The following PIK3AP1 variants were observed in gnomAD, a reference collection of about 807,000 sequenced individuals.
PIK3AP1 encodes phosphoinositide-3-kinase adaptor protein 1, also known as phosphoinositide 3-kinase adapter protein 1.
In PIK3AP1, 21 loss-of-function variants were observed where a neutral mutation model predicts 88.1. That is an observed-to-expected ratio of 0.24 (90% CI 0.17 to 0.34). The LOEUF (loss-of-function observed/expected upper bound fraction) is 0.34, where lower values mean the gene tolerates loss of function less well. Ranked by LOEUF, PIK3AP1 falls within the 10% of genes least tolerant of loss-of-function variation. The pLI, the probability that PIK3AP1 is intolerant of heterozygous loss-of-function variation, is 1.00. For missense variants in PIK3AP1, 828 were observed against 1,035.7 expected (o/e 0.80, Z 2.75); for synonymous variants, 398 against 400.0 (o/e 1.00, Z 0.06).
chr10:96,701,446 G>A (rs1844297144), intron 2 of PIK3AP1, among the ~76,000 whole-genome samples: 1 of 152,136 alleles, frequency 6.6e-6, no homozygotes, highest in African/African-American at 2.4e-5. Flanking sequence ...GCAAAATGGC[G>A]CTGAAACCAT....
intron 14 of PIK3AP1, among the ~76,000 whole-genome samples, chr10:96,607,194 T>C (rs1321219543): frequency 6.6e-6 from 1 of 152,026 alleles, no homozygotes; most frequent in Admixed American, 6.6e-5. Context: ...CCATCCTCAC[T>C]CTCCCTCTCT....
At chr10:96,655,969 CG>C (rs1238088815) in intron 3 of PIK3AP1, among the ~76,000 whole-genome samples, 1 of 152,202 alleles carries the variant, frequency 6.6e-6, no homozygotes, top group Non-Finnish European at 1.5e-5. Flanking sequence ...GGCAACCCCA[CG>C]TAGGAAGTGC....
chr10:96,658,155 T>C (rs889017218), intron 2 of PIK3AP1, among the ~76,000 whole-genome samples: 2 of 152,028 alleles, frequency 1.3e-5, no homozygotes, highest in Non-Finnish European at 2.9e-5. Context: ...CCTTAACCAC[T>C]TATACAAGCA....
At position 96,708,312 on chromosome 10, in the gene PIK3AP1, C is replaced by A. The variant is rs545972836; in HGVS notation, c.430+1255G>T. On this transcript the variant is annotated intron_variant, in intron 2 of 16. Coordinates refer to ENST00000339364, the MANE Select transcript of PIK3AP1 (RefSeq NM_152309.3). The stretch of plus-strand genomic sequence containing the variant: ...AAAAGAGGCTAGGCGTGGTGGCTCA[C>A]GCCTGTAATCCCAGCACTTTGGGAG... Among the ~76,000 whole-genome samples the A allele has an allele frequency of 5.3e-5, 8 of 152,210 alleles. No homozygotes were observed. In the South Asian group the frequency reaches 1.7e-3, roughly 32 times the overall value.
intron 2 of PIK3AP1, among the ~76,000 whole-genome samples, chr10:96,683,062 T>G (rs1464135260): frequency 2.6e-5 from 4 of 152,260 alleles, no homozygotes; most frequent in Non-Finnish European, 5.9e-5. Context: ...ACAACGCTTC[T>G]GTGAAAATTG....
At chr10:96,595,759 C>T (rs557311534) in intron 16 of PIK3AP1, 125 bp from the exon 17 acceptor site, 1 of 896,646 alleles carries the variant, frequency 1.1e-6, no homozygotes, top group Non-Finnish European at 1.8e-6. Context: ...AGACAGGACA[C>T]ACATATGAAT....
chr10:96,611,964 TAGG>T (rs1849117588), intron 13 of PIK3AP1, among the ~76,000 whole-genome samples: 1 of 152,204 alleles, frequency 6.6e-6, no homozygotes, highest in Non-Finnish European at 1.5e-5. Context: ...GGTACAATGC[TAGG>T]AATAGTTATC....
intron 1 of PIK3AP1, among the ~76,000 whole-genome samples, chr10:96,711,822 T>C (rs1844442131): frequency 7.0e-6 from 1 of 142,922 alleles, no homozygotes; most frequent in South Asian, 2.3e-4. Flanking sequence ...ACGATCTCGG[T>C]TCACTGCAAG....
At chr10:96,620,690 G>C (rs1343774643) in intron 11 of PIK3AP1, 133 bp from the exon 12 acceptor site, 18 of 704,012 alleles carry the variant, frequency 2.6e-5, no homozygotes, top group Non-Finnish European at 3.8e-5. Context: ...TGGCCAAGAA[G>C]GGGGAGATAC....
chr10:96,676,917 C>T (rs948407970), intron 2 of PIK3AP1, among the ~76,000 whole-genome samples: 7 of 152,096 alleles, frequency 4.6e-5, no homozygotes, highest in African/African-American at 1.4e-4. Context: ...CAAGGACGGA[C>T]TGAACCCTCC....
rs909932991 is a variant in PIK3AP1, at chr10:96,702,511, A to G, written c.430+7056T>C. ...AGACTTCGTCTCAAAAAAAAAAAAA[A>G]AAGAATAAACTCTGAGCATCTAACG... On this transcript the variant is annotated intron_variant, in intron 2 of 16. Transcript: ENST00000339364. Among the ~76,000 whole-genome samples, 12 of 152,034 alleles carry G rather than the reference A, an allele frequency of 7.9e-5. 1 individual carries two copies. Among genetic ancestry groups the G allele is most frequent in the Admixed American group, 5.9e-4 (9 of 15,260 alleles).
At chr10:96,693,254 G>T (rs945682033) in intron 2 of PIK3AP1, among the ~76,000 whole-genome samples, 1 of 152,178 alleles carries the variant, frequency 6.6e-6, no homozygotes, top group African/African-American at 2.4e-5. Flanking sequence ...ACAGGCCCCA[G>T]GAAGACAGCA....
At chr10:96,701,383 T>C (rs1318098197) in intron 2 of PIK3AP1, among the ~76,000 whole-genome samples, 2 of 152,096 alleles carry the variant, frequency 1.3e-5, no homozygotes, top group African/African-American at 4.8e-5. Context: ...CCAAAGTGAG[T>C]TCCAGTGCTT....
chr10:96,662,760 T>C (rs1231106869), intron 2 of PIK3AP1, among the ~76,000 whole-genome samples: 4 of 149,994 alleles, frequency 2.7e-5, no homozygotes, highest in Non-Finnish European at 5.9e-5. Flanking sequence ...CGGGCGCCTG[T>C]AGTCCCAGCT....
chr10:96,660,185 G>A (rs757865266), intron 2 of PIK3AP1, among the ~76,000 whole-genome samples: 37 of 152,022 alleles, frequency 2.4e-4, no homozygotes, highest in Non-Finnish European at 4.6e-4. Flanking sequence ...ATAAGCGATC[G>A]TCTGGGAGAA....
chr10:96,595,174 T>A lies in PIK3AP1; in HGVS notation c.*403A>T. On this transcript the variant is annotated 3_prime_UTR_variant, in exon 17 of 17. Transcript: ENST00000339364. The stretch of plus-strand genomic sequence containing the variant: ...CTTGAATACTACAAGTCTCACACTA[T>A]AACCTCTTCTAGAAATCAGGCTGAA... The A allele has an allele frequency of 5.1e-6, 1 of 195,064 alleles. No individual in the cohort carries two copies. Among genetic ancestry groups the A allele is most frequent in the Non-Finnish European group, 1.1e-5 (1 of 94,298 alleles). 12.1% of individuals were successfully genotyped at this position (195,064 alleles called of 1,614,324 possible). A position where few individuals can be genotyped will look rare whatever the true frequency, so the allele number is the denominator to read the frequency against.
intron 2 of PIK3AP1, among the ~76,000 whole-genome samples, chr10:96,694,717 T>C (rs1450363840): frequency 2.0e-5 from 3 of 152,020 alleles, no homozygotes; most frequent in African/African-American, 7.3e-5. Context: ...TACTTTATTT[T>C]TGTAGAGATG....
chr10:96,648,309 G>A (rs17484143), intron 7 of PIK3AP1, among the ~76,000 whole-genome samples: 21,362 of 152,194 alleles, frequency 0.14, 1,733 homozygotes, highest in Admixed American at 0.23. Context: ...AAAGGTTTCT[G>A]TAAATTCTGT....
At chr10:96,648,526 C>T (rs1294337588) in intron 7 of PIK3AP1, 133 bp downstream of exon 7, 7 of 960,616 alleles carry the variant, frequency 7.3e-6, no homozygotes, top group Non-Finnish European at 1.0e-5. Flanking sequence ...TAAGCCCACA[C>T]ATACTGCCCA....
Sources: allele counts gnomAD v4.1 joint callset (sites outside exome capture counted in the v4.1 genomes callset), GRCh38; gene constraint gnomAD v4.1.1; transcripts MANE v1.5; gene names NCBI Gene and HGNC (gene_info 2026-07-23, HGNC 2026-07-21).